RABGAP1L: variants seen among roughly 807,000 people sequenced by gnomAD.
RABGAP1L encodes the protein RAB GTPase activating protein 1 like.
RABGAP1L carries 63 observed loss-of-function variants against 137.7 expected under a neutral mutation model. The ratio of observed to expected loss-of-function variants is 0.46; its 90% CI spans 0.37 to 0.56. The LOEUF (loss-of-function observed/expected upper bound fraction) is 0.56. RABGAP1L is among the 20% of genes least tolerant of loss of function. RABGAP1L has a pLI of 0.00. For missense variants in RABGAP1L, 1,095 were observed against 1,244.0 expected, an observed-to-expected ratio of 0.88 and a Z score of 1.80; for synonymous variants, 431 against 433.7, an observed-to-expected ratio of 0.99 and a Z score of 0.08.
intron 13 of RABGAP1L, among the ~76,000 whole-genome samples, chr1:174,622,007 A>C (rs1037663030): frequency 1.4e-5 from 2 of 142,404 alleles, no homozygotes; most frequent in Non-Finnish European, 2.9e-5. Context: ...AAATCTACAA[A>C]CAAAAAGCAA....
intron 11 of RABGAP1L, among the ~76,000 whole-genome samples, chr1:174,327,974 T>C (rs868251770): frequency 0.027 from 426 of 16,032 alleles, 34 homozygotes; most frequent in African/African-American, 0.22. Context: ...TATATATATA[T>C]ATATACACAC....
intron 14 of RABGAP1L, among the ~76,000 whole-genome samples, chr1:174,640,751 T>C (rs1674464561): frequency 6.6e-6 from 1 of 151,764 alleles, no homozygotes; most frequent in Non-Finnish European, 1.5e-5. Context: ...TTTCTATTTG[T>C]CTCTTGTCTT....
At chr1:174,801,960 T>G (rs1238416565) in intron 18 of RABGAP1L, among the ~76,000 whole-genome samples, 2 of 152,238 alleles carry the variant, frequency 1.3e-5, no homozygotes, top group African/African-American at 2.4e-5. Flanking sequence ...CTTCCAATGG[T>G]AACTTTCCAG....
At chr1:174,772,127 G>A (rs1262985091) in intron 18 of RABGAP1L, among the ~76,000 whole-genome samples, 1 of 152,092 alleles carries the variant, frequency 6.6e-6, no homozygotes, top group Non-Finnish European at 1.5e-5. Flanking sequence ...GAAGCCGGGA[G>A]GCAGAGGTTG....
chr1:174,909,427 G>A (rs1263305219), intron 19 of RABGAP1L, among the ~76,000 whole-genome samples: 2 of 152,100 alleles, frequency 1.3e-5, no homozygotes, highest in Non-Finnish European at 2.9e-5. Flanking sequence ...AAGTATCACT[G>A]TGTTGCTCAG....
At chr1:174,314,786 A>G (rs1001427434) in intron 11 of RABGAP1L, among the ~76,000 whole-genome samples, 18 of 152,022 alleles carry the variant, frequency 1.2e-4, no homozygotes, top group African/African-American at 3.9e-4. Flanking sequence ...ATTTCTCTGT[A>G]TTTGTATAGT....
chr1:174,561,589 T>C (rs932081973), intron 13 of RABGAP1L, among the ~76,000 whole-genome samples: 1 of 152,118 alleles, frequency 6.6e-6, no homozygotes, highest in Non-Finnish European at 1.5e-5. Flanking sequence ...GGAGGCATCA[T>C]GCTACCTTAC....
chr1:174,579,819 A>G (rs1668608886), intron 13 of RABGAP1L, among the ~76,000 whole-genome samples: 1 of 152,174 alleles, frequency 6.6e-6, no homozygotes, highest in African/African-American at 2.4e-5. Flanking sequence ...CTGGAGTGCA[A>G]GGCACTATCT....
At chr1:174,697,544 C>T (rs1431924840) in intron 15 of RABGAP1L, among the ~76,000 whole-genome samples, 1 of 152,192 alleles carries the variant, frequency 6.6e-6, no homozygotes, top group East Asian at 1.9e-4. Context: ...GTCTCGAACT[C>T]CTGACCTCAG....
At chr1:174,611,223 A>G (rs1366031151) in intron 13 of RABGAP1L, among the ~76,000 whole-genome samples, 5 of 147,552 alleles carry the variant, frequency 3.4e-5, no homozygotes, top group Non-Finnish European at 7.4e-5. Flanking sequence ...ATCTTGAATT[A>G]ATTTTTGTAT....
chr1:174,342,951 A>G (rs1473274483), intron 11 of RABGAP1L, among the ~76,000 whole-genome samples: 12 of 152,270 alleles, frequency 7.9e-5, no homozygotes, highest in African/African-American at 2.9e-4. Context: ...GTTGGCCAGG[A>G]TGGTCTTGAT....
At chr1:174,180,664 G>A (rs1222905171) in intron 1 of RABGAP1L, among the ~76,000 whole-genome samples, 1 of 151,904 alleles carries the variant, frequency 6.6e-6, no homozygotes, top group Non-Finnish European at 1.5e-5. Context: ...ACAAGATCTC[G>A]CTTTGTTGCC....
chr1:174,363,139 A>G (rs536269846), intron 11 of RABGAP1L, among the ~76,000 whole-genome samples: 1 of 152,200 alleles, frequency 6.6e-6, no homozygotes, highest in African/African-American at 2.4e-5. Context: ...CCATTGGTCT[A>G]TGTGTCTGTT....
intron 13 of RABGAP1L, among the ~76,000 whole-genome samples, chr1:174,402,716 A>G (rs1484326406): frequency 2.0e-5 from 3 of 152,306 alleles, no homozygotes; most frequent in African/African-American, 7.2e-5. Flanking sequence ...GTTTGAGGTG[A>G]TCTGAAACGA....
intron 17 of RABGAP1L, among the ~76,000 whole-genome samples, chr1:174,703,439 A>G (rs1679811552): frequency 6.6e-6 from 1 of 152,152 alleles, no homozygotes; most frequent in Non-Finnish European, 1.5e-5. Context: ...TTGGCTGAAT[A>G]ATGCTACATT....
At chr1:174,270,316 A>T (rs1674446857) in intron 7 of RABGAP1L, among the ~76,000 whole-genome samples, 1 of 152,140 alleles carries the variant, frequency 6.6e-6, no homozygotes, top group African/African-American at 2.4e-5. Context: ...GTACAATGTA[A>T]TATAGAAATA....
At chr1:174,414,189 G>A (rs892624556) in intron 13 of RABGAP1L, among the ~76,000 whole-genome samples, 3 of 151,490 alleles carry the variant, frequency 2.0e-5, no homozygotes, top group Non-Finnish European at 4.4e-5. Context: ...ATATTTCTAG[G>A]CCACATGGTT....
intron 13 of RABGAP1L, among the ~76,000 whole-genome samples, chr1:174,538,866 A>T (rs1665113240): frequency 6.6e-6 from 1 of 152,178 alleles, no homozygotes; most frequent in Non-Finnish European, 1.5e-5. Flanking sequence ...TTATAACCTC[A>T]TTTTGTAGTG....
At chr1:174,785,066 T>C (rs1687353987) in intron 18 of RABGAP1L, among the ~76,000 whole-genome samples, 1 of 152,218 alleles carries the variant, frequency 6.6e-6, no homozygotes, top group African/African-American at 2.4e-5. Context: ...ATTTTTTTAT[T>C]TTTGTTTTTA....
Sources: allele counts gnomAD v4.1 joint callset (sites outside exome capture counted in the v4.1 genomes callset), GRCh38; gene constraint gnomAD v4.1.1; transcripts MANE v1.5; gene names NCBI Gene and HGNC (gene_info 2026-07-23, HGNC 2026-07-21).